CTNNBL1: variants seen among roughly 807,000 people sequenced by gnomAD.
CTNNBL1 encodes the protein catenin beta like 1, also known as beta-catenin-like protein 1.
Under a neutral mutation model 72.7 loss-of-function variants are expected in CTNNBL1, and 31 were observed. The observed-to-expected ratio is 0.43, with a 90% CI of 0.32 to 0.58. The LOEUF (loss-of-function observed/expected upper bound fraction) is 0.58. CTNNBL1 is among the 20% of genes least tolerant of loss of function. The pLI is 0.08. For missense variants in CTNNBL1, 534 were observed against 725.1 expected, an observed-to-expected ratio of 0.74 and a Z score of 3.03; for synonymous variants, 240 against 267.3, an observed-to-expected ratio of 0.90 and a Z score of 1.00.
intron 13 of CTNNBL1, among the ~76,000 whole-genome samples, chr20:37,857,500 A>G (rs1172427253): frequency 1.3e-5 from 2 of 152,178 alleles, no homozygotes; most frequent in African/African-American, 2.4e-5. Flanking sequence ...CAGTCCTCCC[A>G]AGTAGATTCA....
chr20:37,837,671 T>C (rs2072266950), intron 11 of CTNNBL1, among the ~76,000 whole-genome samples: 1 of 144,386 alleles, frequency 6.9e-6, no homozygotes, highest in South Asian at 2.2e-4. Context: ...AGTGCAAAAG[T>C]ATTTGAAGGC....
rs554321586 is a variant in CTNNBL1, at chr20:37,822,750, G to T, written c.1214-17352G>T. On this transcript the variant is annotated intron_variant, in intron 11 of 15. Coordinates refer to ENST00000361383, the MANE Select transcript of CTNNBL1 (RefSeq NM_030877.5). ...TTGGGTAAGGCTCATAACCTCTCTG[G>T]GCCTTATTTTTTCACATCTGTACAA... Among the ~76,000 whole-genome samples the T allele has an allele frequency of 4.3e-3, 658 of 152,176 alleles. 9 individuals are homozygous for T. The highest frequency in any genetic ancestry group is 6.6e-3 in the Non-Finnish European group (447 of 68,014).
At chr20:37,802,425 G>A (rs1409685622) in intron 10 of CTNNBL1, among the ~76,000 whole-genome samples, 1 of 152,174 alleles carries the variant, frequency 6.6e-6, no homozygotes, top group African/African-American at 2.4e-5. Flanking sequence ...AATTGACTGT[G>A]GTGGTAGCTG....
intron 15 of CTNNBL1, among the ~76,000 whole-genome samples, chr20:37,871,634 CACAA>C (rs2072585497): frequency 6.6e-6 from 1 of 152,106 alleles, no homozygotes; most frequent in Non-Finnish European, 1.5e-5. Flanking sequence ...TTGGAGGGGA[CACAA>C]ACATTCAGAC....
intron 11 of CTNNBL1, among the ~76,000 whole-genome samples, chr20:37,821,860 C>G (rs1413221087): frequency 6.6e-6 from 1 of 152,180 alleles, no homozygotes; most frequent in Non-Finnish European, 1.5e-5. Context: ...ATGCCAGTAG[C>G]AACCCCCAGT....
At chr20:37,867,126 G>A (rs112249375) in intron 15 of CTNNBL1, among the ~76,000 whole-genome samples, 1,851 of 152,268 alleles carry the variant, frequency 0.012, 37 homozygotes, top group African/African-American at 0.043. Context: ...CTGGAGAAGC[G>A]CAACTTTCAA....
chr20:37,803,364 A>G (rs531634105), intron 11 of CTNNBL1, among the ~76,000 whole-genome samples: 1 of 152,244 alleles, frequency 6.6e-6, no homozygotes, highest in East Asian at 1.9e-4. Flanking sequence ...ACCCTTTTGA[A>G]AAGAGTAATG....
chr20:37,694,091 A>C lies in CTNNBL1; in HGVS notation c.-32A>C, dbSNP rs764799675. 1.1e-5 allele frequency: 18 copies of C among 1,601,560 alleles called. No individual in the cohort carries two copies. Among genetic ancestry groups the C allele is most frequent in the Non-Finnish European group, 1.4e-5 (17 of 1,175,058 alleles). Reference sequence around the variant, plus strand: ...GGGCCCGCGGTCTGGGCGTGAGTGCAGGGAAGTGGAGTATTTGCTGGGCCG... The same window carrying C: ...GGGCCCGCGGTCTGGGCGTGAGTGCCGGGAAGTGGAGTATTTGCTGGGCCG... On this transcript the variant is annotated 5_prime_UTR_variant, in exon 1 of 16. Coordinates refer to ENST00000361383, the MANE Select transcript of CTNNBL1 (RefSeq NM_030877.5).
chr20:37,772,671 C>G (rs996478675), intron 7 of CTNNBL1, among the ~76,000 whole-genome samples: 2 of 152,132 alleles, frequency 1.3e-5, no homozygotes, highest in Non-Finnish European at 2.9e-5. Context: ...AATAAGCCCT[C>G]AAGATGATTC....
chr20:37,860,631 T>C (rs1332878368), intron 15 of CTNNBL1, among the ~76,000 whole-genome samples: 1 of 152,122 alleles, frequency 6.6e-6, no homozygotes, highest in Non-Finnish European at 1.5e-5. Flanking sequence ...AACAAAAAAT[T>C]CAATTCCAAA....
intron 1 of CTNNBL1, among the ~76,000 whole-genome samples, chr20:37,704,590 A>G (rs1384994836): frequency 6.6e-6 from 1 of 152,088 alleles, no homozygotes; most frequent in Non-Finnish European, 1.5e-5. Context: ...GCGCGCTTAT[A>G]ATCCCAGCTA....
At chr20:37,822,776 T>G (rs1424859631) in intron 11 of CTNNBL1, among the ~76,000 whole-genome samples, 5 of 152,100 alleles carry the variant, frequency 3.3e-5, no homozygotes, top group African/African-American at 1.2e-4. Context: ...ATCTGTACAA[T>G]GGGGAGAATA....
rs370178737 is a variant in CTNNBL1, at chr20:37,718,615, C to T, written c.31-14264C>T. ...TGACCCCCCCCACCTCCCTCCCGGACGGGGCGGCTGGCCAGGCGGGGGGCT... is the reference window on the plus strand; with the variant it reads ...TGACCCCCCCCACCTCCCTCCCGGATGGGGCGGCTGGCCAGGCGGGGGGCT... On this transcript the variant is annotated intron_variant, in intron 1 of 15. Transcript: ENST00000361383. Among the ~76,000 whole-genome samples the T allele has an allele frequency of 6.0e-4, 91 of 151,792 alleles. 1 individual carries two copies. In the East Asian group the frequency reaches 0.011, roughly 18 times the overall value.
intron 7 of CTNNBL1, among the ~76,000 whole-genome samples, chr20:37,771,449 C>G (rs2073522796): frequency 6.6e-6 from 1 of 152,200 alleles, no homozygotes; most frequent in African/African-American, 2.4e-5. Context: ...CAGAAACTTA[C>G]CTGGAGTGAT....
intron 11 of CTNNBL1, among the ~76,000 whole-genome samples, chr20:37,822,392 C>T (rs992101995): frequency 5.9e-5 from 9 of 152,142 alleles, no homozygotes; most frequent in African/African-American, 1.7e-4. Context: ...TATGATGAAG[C>T]GGGCTGGAGA....
In CTNNBL1 at chr20:37,800,244, C is replaced by A. The variant is rs947059272; in HGVS notation, c.1032-2623C>A. On this transcript the variant is annotated intron_variant, in intron 10 of 15. Coordinates refer to ENST00000361383, the MANE Select transcript of CTNNBL1 (RefSeq NM_030877.5). ...GTCACCTCTCTCCAGCTGTTTATTTCTCCCTTGTTTATCTTTGGTCTCCAC... is the reference window on the plus strand; with the variant it reads ...GTCACCTCTCTCCAGCTGTTTATTTATCCCTTGTTTATCTTTGGTCTCCAC... Among the ~76,000 whole-genome samples the A allele has an allele frequency of 5.3e-5, 8 of 152,206 alleles. No individual in the cohort carries two copies. The East Asian group carries it at 1.5e-3, about 29-fold the overall frequency.
At chr20:37,737,998 A>G (rs1199317153) in intron 3 of CTNNBL1, among the ~76,000 whole-genome samples, 1 of 152,212 alleles carries the variant, frequency 6.6e-6, no homozygotes, top group Non-Finnish European at 1.5e-5. Context: ...CAACCTTATC[A>G]CTTAGGGAAC....
chr20:37,706,457 G>C lies in CTNNBL1; in HGVS notation c.30+12305G>C, dbSNP rs8182676. On this transcript the variant is annotated intron_variant, in intron 1 of 15. Transcript: ENST00000361383. Reference sequence around the variant, plus strand: ...ACAATGTCCACAGCATCTTCACTAGGAGTAGAGTTTATCTCTAGAAGCCAC... The same window carrying C: ...ACAATGTCCACAGCATCTTCACTAGCAGTAGAGTTTATCTCTAGAAGCCAC... Among the ~76,000 whole-genome samples the C allele has an allele frequency of 2.8e-3, 429 of 152,306 alleles. 5 individuals carry two copies. Among genetic ancestry groups the C allele is most frequent in the East Asian group, 0.017 (88 of 5,192 alleles).
chr20:37,853,131 C>T (rs945826691), intron 13 of CTNNBL1, among the ~76,000 whole-genome samples: 1 of 152,160 alleles, frequency 6.6e-6, no homozygotes, highest in Non-Finnish European at 1.5e-5. Flanking sequence ...TTAGTTCAGT[C>T]CCCATGTGCT....
Sources: gnomAD v4.1 joint callset for allele counts (sites outside exome capture counted in the v4.1 genomes callset) on GRCh38, gnomAD v4.1.1 for gene constraint, MANE v1.5 for transcripts, NCBI Gene and HGNC (gene_info 2026-07-23, HGNC 2026-07-21) for gene names.